The following ATP8A2 variants were observed in gnomAD, a reference collection of about 807,000 sequenced individuals.
ATP8A2 encodes the protein ATPase phospholipid transporting 8A2.
A neutral mutation model predicts 165.6 loss-of-function variants in ATP8A2; 100 were observed. The ratio of observed to expected loss-of-function variants is 0.60; its 90% CI spans 0.51 to 0.71. ATP8A2 has a LOEUF of 0.71. Among genes scored for constraint, ATP8A2 ranks in the 30% least tolerant of loss-of-function variants. ATP8A2 has a pLI of 0.00. For synonymous variants in ATP8A2, 543 were observed against 548.8 expected (o/e 0.99, Z 0.15); for missense variants, 1,227 against 1,479.5 (o/e 0.83, Z 2.80).
At chr13:25,591,051 C>G (rs973696283) in intron 24 of ATP8A2, among the ~76,000 whole-genome samples, 3 of 152,108 alleles carry the variant, frequency 2.0e-5, no homozygotes, top group Non-Finnish European at 4.4e-5. Flanking sequence ...GAGGAAATCT[C>G]TCCTCTACCC....
At chr13:25,638,826 G>A (rs559246988) in intron 24 of ATP8A2, among the ~76,000 whole-genome samples, 331 of 152,234 alleles carry the variant, frequency 2.2e-3, no homozygotes, top group African/African-American at 7.5e-3. Flanking sequence ...AAGTTGAAAT[G>A]AAGGAAAAAA....
chr13:25,573,859 T>A (rs2039539472), intron 18 of ATP8A2, among the ~76,000 whole-genome samples: 1 of 152,178 alleles, frequency 6.6e-6, no homozygotes, highest in African/African-American at 2.4e-5. Context: ...AGTTGTTTTG[T>A]AGGATGCAAA....
intron 13 of ATP8A2, among the ~76,000 whole-genome samples, chr13:25,557,813 A>C (rs1408653799): frequency 1.3e-5 from 2 of 152,202 alleles, no homozygotes; most frequent in African/African-American, 2.4e-5. Context: ...ATGAGGAAGA[A>C]ATTTTGAGTT....
intron 1 of ATP8A2, among the ~76,000 whole-genome samples, chr13:25,373,571 A>T (rs1471613161): frequency 1.3e-5 from 2 of 152,178 alleles, no homozygotes; most frequent in East Asian, 3.9e-4. Flanking sequence ...GTACCTTTGC[A>T]GGTGGGGCCA....
intron 1 of ATP8A2, among the ~76,000 whole-genome samples, chr13:25,412,820 G>A (rs879484022): frequency 1.3e-5 from 2 of 152,042 alleles, no homozygotes; most frequent in Admixed American, 6.6e-5. Flanking sequence ...ATACCAAATG[G>A]ATCAATTTTT....
intron 24 of ATP8A2, among the ~76,000 whole-genome samples, chr13:25,641,402 C>A (rs141057577): frequency 6.6e-5 from 10 of 152,162 alleles, no homozygotes; most frequent in African/African-American, 2.2e-4. Flanking sequence ...GCAACTTCAG[C>A]AAAGTCTCAG....
intron 33 of ATP8A2, among the ~76,000 whole-genome samples, chr13:25,865,599 G>A (rs2138780908): frequency 6.6e-6 from 1 of 152,248 alleles, no homozygotes; most frequent in East Asian, 1.9e-4. Context: ...TCCCTTGAGG[G>A]CAAAGGAAAG....
chr13:25,961,192 GA>G (rs1269120802), intron 33 of ATP8A2, among the ~76,000 whole-genome samples: 5 of 152,198 alleles, frequency 3.3e-5, no homozygotes, highest in African/African-American at 9.7e-5. Context: ...GGCATTGAGA[GA>G]AAAGGAGCTG....
intron 27 of ATP8A2, among the ~76,000 whole-genome samples, chr13:25,781,677 A>G (rs553728573): frequency 1.3e-5 from 2 of 152,180 alleles, no homozygotes; most frequent in East Asian, 3.9e-4. Context: ...TTTTTAGTAG[A>G]GACAAGTTTT....
intron 34 of ATP8A2, among the ~76,000 whole-genome samples, chr13:25,967,055 T>C (rs1454431220): frequency 3.3e-5 from 5 of 152,158 alleles, no homozygotes; most frequent in East Asian, 1.9e-4. Flanking sequence ...GGTGGCTTTG[T>C]TGTCAGTCTA....
chr13:25,593,781 A>G (rs2040159072), intron 24 of ATP8A2, among the ~76,000 whole-genome samples: 1 of 152,190 alleles, frequency 6.6e-6, no homozygotes, highest in South Asian at 2.1e-4. Context: ...ATTGCCATTC[A>G]TGTGTATTGG....
chr13:25,632,857 T>C lies in ATP8A2; in HGVS notation c.2211+43158T>C, dbSNP rs114051434. 4.7e-3 allele frequency among the ~76,000 whole-genome samples: 710 copies of C among 152,308 alleles called. 7 individuals carry two copies. The highest frequency in any genetic ancestry group is 0.017 in the African/African-American group (688 of 41,572). ...CTGCCCTCTTGCGTGGGAGAAGTTG[T>C]GCTCTGCTCACCCCTCTGAGCTTTT... is the stretch of plus-strand genomic sequence containing the variant. On this transcript the variant is annotated intron_variant, in intron 24 of 36. Transcript: ENST00000381655.
chr13:25,644,227 T>A (rs894067163), intron 24 of ATP8A2, among the ~76,000 whole-genome samples: 5 of 152,148 alleles, frequency 3.3e-5, no homozygotes, highest in Non-Finnish European at 7.4e-5. Flanking sequence ...TGCCTTTTAT[T>A]TCTTTCTCTT....
chr13:26,012,448 T>A, intron 35 of ATP8A2, 83 bp from the exon 36 acceptor site: 1 of 1,133,388 alleles, frequency 8.8e-7, no homozygotes. Context: ...ATCCCCCACC[T>A]CATCCCACCC....
chr13:25,658,025 T>C (rs2041971065), intron 24 of ATP8A2, among the ~76,000 whole-genome samples: 1 of 152,110 alleles, frequency 6.6e-6, no homozygotes, highest in Non-Finnish European at 1.5e-5. Flanking sequence ...CAGATTGGAG[T>C]AGTGAACTCA....
At chr13:25,506,845 C>A (rs1272744299) in intron 2 of ATP8A2, among the ~76,000 whole-genome samples, 1 of 151,488 alleles carries the variant, frequency 6.6e-6, no homozygotes, top group Non-Finnish European at 1.5e-5. Flanking sequence ...GGTGTCATGT[C>A]AGTGCTCAAA....
At chr13:25,523,122 A>G (rs1229678693) in intron 2 of ATP8A2, among the ~76,000 whole-genome samples, 1 of 151,980 alleles carries the variant, frequency 6.6e-6, no homozygotes, top group East Asian at 1.9e-4. Flanking sequence ...TGTCTCAAAA[A>G]AAAAAAAAAA....
intron 5 of ATP8A2, among the ~76,000 whole-genome samples, chr13:25,532,728 A>G (rs578202545): frequency 3.9e-5 from 6 of 151,906 alleles, no homozygotes; most frequent in Non-Finnish European, 7.4e-5. Flanking sequence ...CTACAGTGGC[A>G]TGATCATGGC....
At chr13:25,994,292 A>AT (rs1956451256) in intron 35 of ATP8A2, among the ~76,000 whole-genome samples, 1 of 151,990 alleles carries the variant, frequency 6.6e-6, no homozygotes, top group African/African-American at 2.4e-5. Context: ...ATTTCTTGGG[A>AT]TTTTCCAGAC....
Sources: gnomAD v4.1 joint callset for allele counts (sites outside exome capture counted in the v4.1 genomes callset) on GRCh38, gnomAD v4.1.1 for gene constraint, MANE v1.5 for transcripts, NCBI Gene and HGNC (gene_info 2026-07-23, HGNC 2026-07-21) for gene names.